The following RAD50 variants were observed in gnomAD, a reference collection of about 807,000 sequenced individuals.
RAD50 encodes DNA repair protein RAD50.
In RAD50, 132 loss-of-function variants were observed where a neutral mutation model predicts 168.8. The ratio of observed to expected loss-of-function variants is 0.78; its 90% CI spans 0.68 to 0.90. RAD50 has a LOEUF of 0.90. Among genes scored for constraint, RAD50 ranks in the 40% least tolerant of loss-of-function variants. The pLI, the probability that RAD50 is intolerant of heterozygous loss-of-function variation, is 0.00. For synonymous variants in RAD50, 525 were observed against 497.4 expected (o/e 1.06, Z -0.74); for missense variants, 1,347 against 1,534.4 (o/e 0.88, Z 2.04).
chr5:132,595,793 G>T lies in RAD50; in HGVS notation c.2190G>T (p.Leu730=), dbSNP rs2149844265. Residue 730 remains leucine (L), a synonymous_variant, in exon 13 of 25, where the codon CTG becomes CTT. Transcript: ENST00000378823. ...AGGAAAAGCGGCGTGATGAAATGCT[G>T]GGACTTGTGCCCATGAGGTAAGAAT... ...KKKEKRRDEM[L]GLVPMRQSII... 1 of 1,608,468 alleles carries T rather than the reference G, an allele frequency of 6.2e-7. No individual in the cohort carries two copies. The highest frequency in any genetic ancestry group is 1.1e-5 in the South Asian group (1 of 90,956).
chr5:132,584,648 A>G lies in RAD50; in HGVS notation c.757-2914A>G, dbSNP rs1049057439. On this transcript the variant is annotated intron_variant, in intron 5 of 24. Coordinates refer to ENST00000378823, the MANE Select transcript of RAD50 (RefSeq NM_005732.4). The stretch of plus-strand genomic sequence containing the variant: ...CTGCTATAAAGACACATGCACATGT[A>G]TGTTTATTGCAGCACTACTCACAAT... Among the ~76,000 whole-genome samples, 53 of 152,322 alleles carry G rather than the reference A, an allele frequency of 3.5e-4. 1 individual carries two copies. Among genetic ancestry groups the G allele is most frequent in the Non-Finnish European group, 4.3e-4 (29 of 68,040 alleles).
chr5:132,632,448 T>C (rs1265662163), intron 21 of RAD50, among the ~76,000 whole-genome samples: 1 of 152,272 alleles, frequency 6.6e-6, no homozygotes, highest in African/African-American at 2.4e-5. Flanking sequence ...TTTTTGTTCT[T>C]TGTAAGCATT....
At chr5:132,565,072 TAGTG>T (rs1274616316) in intron 2 of RAD50, among the ~76,000 whole-genome samples, 1 of 152,092 alleles carries the variant, frequency 6.6e-6, no homozygotes, top group East Asian at 1.9e-4. Flanking sequence ...GTTCTCATGA[TAGTG>T]AGTAAATTCT....
At chr5:132,592,122 A>G (rs1750712928) in intron 11 of RAD50, 88 bp downstream of exon 11, 1 of 1,375,952 alleles carries the variant, frequency 7.3e-7, no homozygotes, top group African/African-American at 1.4e-5. Flanking sequence ...TTGTCATGAA[A>G]TGGTATGTTA....
chr5:132,642,581 A>G lies in RAD50; in HGVS notation c.*217A>G. 1.7e-6 allele frequency: 1 copy of G among 586,346 alleles called. No individual in the cohort carries two copies. The highest frequency in any genetic ancestry group is 3.0e-6 in the Non-Finnish European group (1 of 335,644). The allele number at this position is 586,346 out of a possible 1,614,324, so 36.3% of individuals were successfully genotyped here. A position where few individuals can be genotyped will look rare whatever the true frequency, so the allele number is the denominator to read the frequency against. On this transcript the variant is annotated 3_prime_UTR_variant, in exon 25 of 25. Coordinates refer to ENST00000378823, the MANE Select transcript of RAD50 (RefSeq NM_005732.4). ...TTTCTGATTTGCTGCTCTTCATCCC[A>G]TTCCAGGCAGCCTCTGTCAGGCCTT...
At chr5:132,619,783 CCTCTCTCTCTCTCT>C (rs550575815) in intron 21 of RAD50, among the ~76,000 whole-genome samples, 1 of 125,738 alleles carries the variant, frequency 8.0e-6, no homozygotes, top group African/African-American at 3.5e-5. Flanking sequence ...CTTCCCTACT[CCTCTCTCTCTCTCT>C]CTCTCTCTCT....
intron 7 of RAD50, 25 bp from the exon 8 acceptor site, chr5:132,588,662 A>C (rs1750639523): frequency 6.2e-7 from 1 of 1,604,482 alleles, no homozygotes; most frequent in Non-Finnish European, 8.5e-7. Context: ...TTGAAAAAAA[A>C]ATTATGAGAT....
intron 21 of RAD50, among the ~76,000 whole-genome samples, chr5:132,631,064 A>G (rs1751454610): frequency 2.0e-5 from 3 of 152,076 alleles, no homozygotes; most frequent in Admixed American, 6.5e-5. Context: ...GTATTTAAAT[A>G]TCAGACTAAA....
intron 11 of RAD50, chr5:132,592,770 A>T (rs1048235066): frequency 4.3e-6 from 2 of 468,386 alleles, no homozygotes; most frequent in African/African-American, 4.0e-5. Context: ...TCAGGATTGT[A>T]CTGGTAAAGC....
rs374577419 is a variant in RAD50, at chr5:132,609,200, C to G, written c.2913C>G (p.Asp971Glu). 7 of 1,610,902 alleles carry G rather than the reference C, an allele frequency of 4.3e-6. No individual in the cohort carries two copies. In the African/African-American group the frequency reaches 9.4e-5, roughly 22 times the overall value. ...ATTATATTCAAGATGGGAAAGACGA[C>G]TATAAGAAGGTAATTTAAAACTTAA... ...IENYIQDGKD[D>E]YKKQKETELN... The change falls in exon 18 of 25, where the codon GAC becomes GAG. Residue 971 changes from aspartate to glutamate, a missense_variant. Physicochemically the swap from Asp to Glu is conservative, Grantham distance 45 (BLOSUM62 2). Around this residue, in one of 3 missense-constraint regions of RAD50, gnomAD observed 635 missense variants for 739.2 expected, o/e 0.86. Coordinates refer to ENST00000378823, the MANE Select transcript of RAD50 (RefSeq NM_005732.4).
At chr5:132,589,605 T>C in intron 8 of RAD50, 26 bp from the exon 9 acceptor site, 1 of 1,490,818 alleles carries the variant, frequency 6.7e-7, no homozygotes, top group East Asian at 2.3e-5. Context: ...AAATTATTAA[T>C]GCTCATTCTT....
At chr5:132,586,310 T>C (rs1750593691) in intron 5 of RAD50, among the ~76,000 whole-genome samples, 1 of 152,210 alleles carries the variant, frequency 6.6e-6, no homozygotes, top group Admixed American at 6.5e-5. Flanking sequence ...TACAAGTCAG[T>C]TAAGTCCTTT....
intron 2 of RAD50, among the ~76,000 whole-genome samples, chr5:132,575,461 A>G (rs1011555793): frequency 6.6e-6 from 1 of 152,196 alleles, no homozygotes; most frequent in African/African-American, 2.4e-5. Context: ...AAATCATTCT[A>G]CCTTTCTATA....
In RAD50 at chr5:132,589,786, G is replaced by A. The variant is rs1554098330; in HGVS notation, c.1401G>A (p.Leu467=). The part of the protein sequence containing the change: ...LKNVKYELQQ[L]EGSSDRILEL... Reference sequence around the variant, plus strand: ...ATGTGAAGTATGAATTACAGCAGTTGGAAGGATCTTCAGACAGGATTCTTG... The same window carrying A: ...ATGTGAAGTATGAATTACAGCAGTTAGAAGGATCTTCAGACAGGATTCTTG... The change falls in exon 9 of 25, where the codon TTG becomes TTA. Residue 467 remains leucine (L), a synonymous_variant. Coordinates refer to ENST00000378823, the MANE Select transcript of RAD50 (RefSeq NM_005732.4). The A allele has an allele frequency of 1.2e-6, 2 of 1,613,540 alleles. No individual in the cohort carries two copies. The highest frequency in any genetic ancestry group is 1.1e-5 in the South Asian group (1 of 91,030).
intron 11 of RAD50, among the ~76,000 whole-genome samples, chr5:132,592,377 A>AT (rs1229771936): frequency 3.3e-5 from 5 of 152,054 alleles, no homozygotes; most frequent in East Asian, 1.9e-4. Context: ...CCCTTTAAAG[A>AT]TTTTTTTAAG....
At chr5:132,601,142 G>A (rs1417722177) in intron 13 of RAD50, among the ~76,000 whole-genome samples, 1 of 152,036 alleles carries the variant, frequency 6.6e-6, no homozygotes, top group Non-Finnish European at 1.5e-5. Flanking sequence ...GATTACAGGC[G>A]CCCTTCACCA....
In RAD50 at chr5:132,588,508, A is replaced by G. The variant is rs565536318; in HGVS notation, c.1052-179A>G. On this transcript the variant is annotated intron_variant, in intron 7 of 24. Coordinates refer to ENST00000378823, the MANE Select transcript of RAD50 (RefSeq NM_005732.4). ...TGAATAAGATTGATGAATTATATCA[A>G]TATCAGTATTCTGGTTGTGATATTT... Among the ~76,000 whole-genome samples, 266 of 152,342 alleles carry G rather than the reference A, an allele frequency of 1.7e-3. 1 individual carries two copies. Among genetic ancestry groups the G allele is most frequent in the African/African-American group, 6.2e-3 (256 of 41,580 alleles).
chr5:132,564,726 G>A (rs899516312), intron 2 of RAD50, among the ~76,000 whole-genome samples: 7 of 151,950 alleles, frequency 4.6e-5, no homozygotes, highest in African/African-American at 1.7e-4. Flanking sequence ...GGGGAAAATG[G>A]CTAGAAGGCA....
chr5:132,636,975 TCTA>T (rs1203896482), intron 21 of RAD50, 137 bp from the exon 22 acceptor site: 1 of 723,300 alleles, frequency 1.4e-6, no homozygotes, highest in African/African-American at 1.9e-5. Flanking sequence ...CTTACTATAT[TCTA>T]CTTTTACCAT....
Sources: gnomAD v4.1 joint callset for allele counts (sites outside exome capture counted in the v4.1 genomes callset) on GRCh38, gnomAD v4.1.1 for gene constraint, gnomAD v4.1.1 regional missense constraint, MANE v1.5 for transcripts, NCBI Gene and HGNC (gene_info 2026-07-23, HGNC 2026-07-21) for gene names.